Variants in CLPB observed in about 807,000 individuals in gnomAD.
The protein encoded by CLPB is mitochondrial disaggregase.
A neutral mutation model predicts 78.4 loss-of-function variants in CLPB; 40 were observed. That is an observed-to-expected ratio of 0.51 (90% CI 0.40 to 0.66). The LOEUF is 0.66. CLPB is among the 30% of genes least tolerant of loss of function. CLPB has a pLI of 0.00. For synonymous variants in CLPB, 333 were observed against 348.0 expected (o/e 0.96, Z 0.48); for missense variants, 780 against 886.9 (o/e 0.88, Z 1.53).
At chr11:72,380,477 G>T in intron 3 of CLPB, 93 bp from the exon 4 acceptor site, 1 of 929,188 alleles carries the variant, frequency 1.1e-6, no homozygotes, top group Non-Finnish European at 1.7e-6. Context: ...GACTGGAGCT[G>T]TCTCTGCTCA....
intron 2 of CLPB, among the ~76,000 whole-genome samples, chr11:72,416,005 A>G (rs1381109423): frequency 2.0e-5 from 3 of 152,216 alleles, no homozygotes; most frequent in Non-Finnish European, 4.4e-5. Flanking sequence ...AGAGTTAAAA[A>G]TCTGGAACAG....
chr11:72,366,723 G>C (rs1370830716), intron 4 of CLPB, among the ~76,000 whole-genome samples: 1 of 152,138 alleles, frequency 6.6e-6, no homozygotes, highest in East Asian at 1.9e-4. Context: ...GCACCAGTCA[G>C]AATGGCTCTT....
At chr11:72,310,636 G>A (rs1027482070) in intron 7 of CLPB, among the ~76,000 whole-genome samples, 4 of 152,344 alleles carry the variant, frequency 2.6e-5, no homozygotes, top group South Asian at 2.1e-4. Flanking sequence ...CAGCAGTGAC[G>A]TGAAAGGAGC....
chr11:72,434,040 C>T (rs757110738), intron 1 of CLPB, 32 bp downstream of exon 1: 10 of 1,599,974 alleles, frequency 6.3e-6, no homozygotes, highest in African/African-American at 1.3e-5. Flanking sequence ...CTTCCCGCCT[C>T]TCCCTTCCTC....
intron 5 of CLPB, among the ~76,000 whole-genome samples, chr11:72,334,668 TC>T (rs1242062385): frequency 6.6e-6 from 1 of 152,214 alleles, no homozygotes; most frequent in Non-Finnish European, 1.5e-5. Flanking sequence ...TCCCCTTGCC[TC>T]CCACCCAGGG....
At chr11:72,428,741 C>T (rs867203383) in intron 2 of CLPB, 4 of 152,142 alleles carry the variant, frequency 2.6e-5, no homozygotes, top group African/African-American at 4.8e-5. Context: ...CATGAAAAGC[C>T]CCCCCAGACA....
Position 72,329,730 on chromosome 11 carries a change from G to A in CLPB, c.850C>T (p.Leu284Phe). The change falls in exon 6 of 16, where the codon CTT (leucine) becomes TTT (phenylalanine). Residue 284 changes from leucine to phenylalanine, a missense_variant. Leu to Phe is a conservative substitution (Grantham distance 22). Around this residue, in one of 3 missense-constraint regions of CLPB, gnomAD observed 417 missense variants for 414.7 expected, o/e 1.01. Transcript: ENST00000538039. ...DYAREGEVMK[L>F]LRTSEAKYQE... ...ACCTTGGCTTCAGAAGTCCTCAGAA[G>A]CTTCATCACTTCCCCTTCTCGGGCA... 1 of 1,613,906 alleles carries A rather than the reference G, an allele frequency of 6.2e-7. No homozygotes were observed. Among genetic ancestry groups the A allele is most frequent in the Non-Finnish European group, 8.5e-7 (1 of 1,179,836 alleles).
At position 72,381,148 on chromosome 11, in the gene CLPB, A is replaced by G. The variant is rs114032043; in HGVS notation, c.543-764T>C. On this transcript the variant is annotated intron_variant, in intron 3 of 15. Transcript: ENST00000538039. ...GAGGTAAAGAAAAGATTACCTACAG[A>G]GGGTAGGAAGACAGTCTCCCCTTAC... Among the ~76,000 whole-genome samples, 330 of 152,326 alleles carry G rather than the reference A, an allele frequency of 2.2e-3. 1 individual carries two copies. Among genetic ancestry groups the G allele is most frequent in the African/African-American group, 7.6e-3 (314 of 41,560 alleles).
chr11:72,332,641 T>G (rs562002961), intron 5 of CLPB: 1 of 152,342 alleles, frequency 6.6e-6, no homozygotes, highest in East Asian at 1.9e-4. Context: ...ACACTCCCCC[T>G]ACCCCCAGCC....
intron 6 of CLPB, among the ~76,000 whole-genome samples, chr11:72,326,976 C>A (rs181298936): frequency 2.0e-5 from 3 of 152,278 alleles, no homozygotes; most frequent in Admixed American, 2.0e-4. Context: ...TCTGATGGGA[C>A]AGCAAAGCAA....
At chr11:72,406,043 G>A (rs1855700294) in intron 2 of CLPB, among the ~76,000 whole-genome samples, 1 of 152,192 alleles carries the variant, frequency 6.6e-6, no homozygotes, top group Non-Finnish European at 1.5e-5. Context: ...ACCAAAGGCA[G>A]TGAGGTTGTC....
Position 72,434,199 on chromosome 11 carries a change from A to G in CLPB, c.276T>C (p.Pro92=), listed in dbSNP as rs1211333672. The change falls in exon 1 of 16, where the codon CCT becomes CCC. Residue 92 remains proline (P), a synonymous_variant. Transcript: ENST00000538039. ...GTCCTGGGAGTGTTTCTTCGGGACC[A>G]GGAAGGCGTCCCCAAGTGGCAGCCG... The part of the protein sequence containing the change: ...CLAAATWGRL[P]GPEETLPGQD... 6.2e-7 allele frequency: 1 copy of G among 1,613,518 alleles called. No individual in the cohort carries two copies. Among genetic ancestry groups the G allele is most frequent in the South Asian group, 1.1e-5 (1 of 91,076 alleles).
At chr11:72,374,949 T>C (rs1007148357) in intron 4 of CLPB, among the ~76,000 whole-genome samples, 1 of 152,190 alleles carries the variant, frequency 6.6e-6, no homozygotes, top group Non-Finnish European at 1.5e-5. Flanking sequence ...AACTACTCCT[T>C]TGAGCTCTCC....
chr11:72,434,061 C>G lies in CLPB; in HGVS notation c.403+11G>C, dbSNP rs1856629425. ...GCCTCTCCCTTCCTCAAACCCAGATCTCATAATCACCCTTGTTGGACGGAC... is the reference window on the plus strand; with the variant it reads ...GCCTCTCCCTTCCTCAAACCCAGATGTCATAATCACCCTTGTTGGACGGAC... On this transcript the variant is annotated intron_variant, in intron 1 of 15. Coordinates refer to ENST00000538039, the MANE Select transcript of CLPB (RefSeq NM_001258392.3). The G allele has an allele frequency of 1.2e-6, 2 of 1,607,690 alleles. No homozygotes were observed. The highest frequency in any genetic ancestry group is 2.7e-5 in the African/African-American group (2 of 75,030).
In CLPB at chr11:72,290,273, G is replaced by A. The variant is rs1211690342; in HGVS notation, c.*3094C>T. 6.6e-6 allele frequency: 1 copy of A among 152,152 alleles called. No individual in the cohort carries two copies. Among genetic ancestry groups the A allele is most frequent in the Non-Finnish European group, 1.5e-5 (1 of 68,042 alleles). The allele number at this position is 152,152 out of a possible 1,614,324, so 9.4% of individuals were successfully genotyped here. On this transcript the variant is annotated 3_prime_UTR_variant, in exon 16 of 16. Coordinates refer to ENST00000538039, the MANE Select transcript of CLPB (RefSeq NM_001258392.3). Reference sequence around the variant, plus strand: ...ATGAGTTCTCACTGGCCAAATCTGAGCCAATTTGAGCAACCAAATAAACTG... The same window carrying A: ...ATGAGTTCTCACTGGCCAAATCTGAACCAATTTGAGCAACCAAATAAACTG...
At chr11:72,327,888 G>A (rs1950158197) in intron 6 of CLPB, among the ~76,000 whole-genome samples, 1 of 152,160 alleles carries the variant, frequency 6.6e-6, no homozygotes, top group Non-Finnish European at 1.5e-5. Context: ...AAGGGCCCCC[G>A]GGGATGGGCT....
chr11:72,338,458 C>T (rs1950361074), intron 5 of CLPB, among the ~76,000 whole-genome samples: 1 of 152,216 alleles, frequency 6.6e-6, no homozygotes, highest in South Asian at 2.1e-4. Context: ...TCCACCTACA[C>T]TGTCTCAGCC....
chr11:72,334,965 A>C (rs1290755012), intron 5 of CLPB, among the ~76,000 whole-genome samples: 1 of 152,222 alleles, frequency 6.6e-6, no homozygotes, highest in Admixed American at 6.5e-5. Context: ...GTGGAAGGTC[A>C]CTCATTGGGG....
intron 3 of CLPB, among the ~76,000 whole-genome samples, chr11:72,394,878 C>G (rs746971466): frequency 1.3e-5 from 2 of 152,170 alleles, no homozygotes; most frequent in Non-Finnish European, 2.9e-5. Context: ...CTGCACTGGG[C>G]AGGTGGCCAC....
Sources: gnomAD v4.1 joint callset for allele counts (sites outside exome capture counted in the v4.1 genomes callset) on GRCh38, gnomAD v4.1.1 for gene constraint, gnomAD v4.1.1 regional missense constraint, MANE v1.5 for transcripts, NCBI Gene and HGNC (gene_info 2026-07-23, HGNC 2026-07-21) for gene names.